Variants in TMEM14A observed in about 807,000 individuals in gnomAD.
TMEM14A encodes transmembrane protein 14A.
A neutral mutation model predicts 11.6 loss-of-function variants in TMEM14A; 8 were observed. The ratio of observed to expected loss-of-function variants is 0.69; its 90% CI spans 0.40 to 1.24. The LOEUF is 1.24. Ranked by LOEUF, TMEM14A falls within the 50% of genes most tolerant of loss-of-function variation. The pLI is 0.01. For synonymous variants in TMEM14A, 34 were observed against 45.5 expected (o/e 0.75, Z 1.02); for missense variants, 108 against 121.9 (o/e 0.89, Z 0.54).
In TMEM14A at chr6:52,686,043, G is replaced by A. The variant is rs373582842; in HGVS notation, c.294G>A (p.Leu98=). Reference sequence around the variant, plus strand: ...TGATCCTGAGACTTGTCTTGTTGCTGCTCTGAGCATCTGGAGGAACAGAAA... The same window carrying A: ...TGATCCTGAGACTTGTCTTGTTGCTACTCTGAGCATCTGGAGGAACAGAAA... ...LMMILRLVLL[L]L Residue 98 remains leucine (L), a synonymous_variant, in exon 5 of 5, where the codon CTG becomes CTA. Transcript: ENST00000211314. 1 of 1,611,612 alleles carries A rather than the reference G, an allele frequency of 6.2e-7. No individual in the cohort carries two copies. Among genetic ancestry groups the A allele is most frequent in the South Asian group, 1.1e-5 (1 of 90,772 alleles).
intron 4 of TMEM14A, among the ~76,000 whole-genome samples, 158 bp from the exon 5 acceptor site, chr6:52,685,852 G>A (rs949771431): frequency 6.6e-6 from 1 of 152,178 alleles, no homozygotes; most frequent in Non-Finnish European, 1.5e-5. Context: ...GGCTAATTCA[G>A]TTATGTCTGG....
chr6:52,676,590 T>C (rs1769261105), intron 1 of TMEM14A, among the ~76,000 whole-genome samples: 1 of 152,186 alleles, frequency 6.6e-6, no homozygotes, highest in South Asian at 2.1e-4. Flanking sequence ...GAAATTAATT[T>C]CTGTAATTCT....
intron 4 of TMEM14A, among the ~76,000 whole-genome samples, chr6:52,685,491 A>T (rs776140755): frequency 3.3e-5 from 5 of 152,092 alleles, no homozygotes; most frequent in Admixed American, 2.6e-4. Context: ...AGGCTGAGGC[A>T]GGAGAATTGC....
intron 2 of TMEM14A, 113 bp downstream of exon 2, chr6:52,677,285 C>A: frequency 2.6e-6 from 3 of 1,155,056 alleles, no homozygotes; most frequent in Non-Finnish European, 3.9e-6. Context: ...TTAGAGGTGG[C>A]TGAAGACCAG....
At chr6:52,673,340 C>T (rs1769196945) in intron 1 of TMEM14A, among the ~76,000 whole-genome samples, 1 of 113,960 alleles carries the variant, frequency 8.8e-6, no homozygotes, top group African/African-American at 3.1e-5. Context: ...GGAATTGAGG[C>T]CTTGAATTTT....
chr6:52,682,027 G>GA, intron 3 of TMEM14A, 113 bp downstream of exon 3: 1 of 827,794 alleles, frequency 1.2e-6, no homozygotes, highest in Non-Finnish European at 1.9e-6. Flanking sequence ...ATGGCCATAT[G>GA]CATGTGTTGA....
intron 1 of TMEM14A, among the ~76,000 whole-genome samples, chr6:52,672,136 CT>C (rs1389568741): frequency 6.6e-6 from 1 of 152,176 alleles, no homozygotes; most frequent in Admixed American, 6.5e-5. Flanking sequence ...GAAGCTGTTC[CT>C]TTGGTTCACT....
chr6:52,681,194 G>A (rs1769385660), intron 2 of TMEM14A, among the ~76,000 whole-genome samples: 1 of 152,068 alleles, frequency 6.6e-6, no homozygotes, highest in Admixed American at 6.5e-5. Context: ...TATGTGGGTT[G>A]GGGGCTGGGA....
chr6:52,686,010 C>A lies in TMEM14A; in HGVS notation c.261C>A (p.Ser87Arg). Residue 87 changes from serine (S) to arginine (R), a missense_variant and splice_region_variant, in exon 5 of 5, where the codon AGC (serine) becomes AGA (arginine). Physicochemically the swap from Ser to Arg is moderately radical, Grantham distance 110. Coordinates refer to ENST00000211314, the MANE Select transcript of TMEM14A (RefSeq NM_014051.4). ...IMPAGLVAGL[S>R]LMMILRLVLL... is the part of the protein sequence containing the mutation. Reference sequence around the variant, plus strand: ...TGTCTTTGTTTTATTTTAAATCCAGCCTCATGATGATCCTGAGACTTGTCT... The same window carrying A: ...TGTCTTTGTTTTATTTTAAATCCAGACTCATGATGATCCTGAGACTTGTCT... 6.2e-7 allele frequency: 1 copy of A among 1,610,332 alleles called. No individual in the cohort carries two copies. Among genetic ancestry groups the A allele is most frequent in the South Asian group, 1.1e-5 (1 of 90,466 alleles).
intron 4 of TMEM14A, 67 bp downstream of exon 4, chr6:52,684,232 A>G (rs1769451053): frequency 7.1e-7 from 1 of 1,413,602 alleles, no homozygotes. Context: ...TTTTTGGGAA[A>G]CATCAATTTT....
intron 1 of TMEM14A, 21 bp from the exon 2 acceptor site, chr6:52,677,066 G>T: frequency 6.2e-7 from 1 of 1,609,736 alleles, no homozygotes; most frequent in East Asian, 2.2e-5. Flanking sequence ...TGTATAATTT[G>T]TCCTTTCCCC....
chr6:52,677,222 G>A (rs778675969), intron 2 of TMEM14A, 50 bp downstream of exon 2: 4 of 1,587,906 alleles, frequency 2.5e-6, no homozygotes, highest in African/African-American at 1.3e-5. Flanking sequence ...GGGTTTGGAG[G>A]TTGTGCTAGG....
chr6:52,682,026 T>G lies in TMEM14A; in HGVS notation c.172+112T>G. On this transcript the variant is annotated intron_variant, in intron 3 of 4. Coordinates refer to ENST00000211314, the MANE Select transcript of TMEM14A (RefSeq NM_014051.4). The stretch of plus-strand genomic sequence containing the variant: ...TTTAGTCAAATGGCAAATGGCCATA[T>G]GCATGTGTTGAGGCTGAATACAACA... 1.2e-5 allele frequency: 10 copies of G among 827,144 alleles called. No individual in the cohort carries two copies. In the South Asian group the frequency reaches 1.3e-4, roughly 10 times the overall value. The allele number at this position is 827,144 out of a possible 1,614,324, so 51.2% of individuals were successfully genotyped here. A position where few individuals can be genotyped will look rare whatever the true frequency, so the allele number is the denominator to read the frequency against.
At chr6:52,675,094 G>A (rs1286123792) in intron 1 of TMEM14A, among the ~76,000 whole-genome samples, 1 of 152,054 alleles carries the variant, frequency 6.6e-6, no homozygotes, top group Admixed American at 6.6e-5. Flanking sequence ...TGTTGACTGG[G>A]CTGGTCTCAA....
At chr6:52,672,623 C>A (rs1186839380) in intron 1 of TMEM14A, among the ~76,000 whole-genome samples, 1 of 152,110 alleles carries the variant, frequency 6.6e-6, no homozygotes, top group East Asian at 1.9e-4. Flanking sequence ...CCCTACTTCT[C>A]CTAATGGTCT....
chr6:52,683,493 A>G (rs1769432685), intron 3 of TMEM14A, among the ~76,000 whole-genome samples: 1 of 151,602 alleles, frequency 6.6e-6, no homozygotes, highest in Non-Finnish European at 1.5e-5. Context: ...CAAAAAAAAA[A>G]AAAAGAAAAA....
At chr6:52,674,880 ATTC>A (rs201686120) in intron 1 of TMEM14A, among the ~76,000 whole-genome samples, 57 of 99,750 alleles carry the variant, frequency 5.7e-4, no homozygotes, top group African/African-American at 1.6e-3. Context: ...TCAGCTCAAA[ATTC>A]TTCTTCTTTT....
At chr6:52,683,233 G>C (rs1275837677) in intron 3 of TMEM14A, among the ~76,000 whole-genome samples, 1 of 152,128 alleles carries the variant, frequency 6.6e-6, no homozygotes, top group Non-Finnish European at 1.5e-5. Context: ...GCTGAGGCCG[G>C]TGGATCACTT....
Position 52,680,704 on chromosome 6 carries a change from T to TACATATATATATATATATATAC in TMEM14A, c.71-1106_71-1105insTATATATATATATATATACACA, listed in dbSNP as rs1554137485. 7.6e-4 allele frequency among the ~76,000 whole-genome samples: 39 copies of TACATATATATATATATATATAC among 51,104 alleles called. 2 individuals carry two copies. The highest frequency in any genetic ancestry group is 2.1e-3 in the African/African-American group (36 of 17,492). The allele number at this position is 51,104 out of a possible 152,430, so 33.5% of individuals were successfully genotyped here. ...ATATACATATATGTATATATATATA[T>TACATATATATATATATATATAC]ACACATATATATATGGCATGGATGA... On this transcript the variant is annotated intron_variant, in intron 2 of 4. Transcript: ENST00000211314.
Sources: gnomAD v4.1 joint callset for allele counts (sites outside exome capture counted in the v4.1 genomes callset) on GRCh38, gnomAD v4.1.1 for gene constraint, MANE v1.5 for transcripts, NCBI Gene and HGNC (gene_info 2026-07-23, HGNC 2026-07-21) for gene names.